Variants in NAV1 observed in about 807,000 individuals in gnomAD.
NAV1 encodes pore membrane and/or filament interacting like protein 3.
In NAV1, 18 loss-of-function variants were observed where a neutral mutation model predicts 175.2. The ratio of observed to expected loss-of-function variants is 0.10; its 90% CI spans 0.07 to 0.15. The LOEUF (loss-of-function observed/expected upper bound fraction) is 0.15, where lower values mean the gene tolerates loss of function less well. Among genes scored for constraint, NAV1 ranks in the 10% least tolerant of loss-of-function variants. NAV1 has a pLI of 1.00. For synonymous variants in NAV1, 897 were observed against 978.7 expected (o/e 0.92, Z 1.56); for missense variants, 1,731 against 2,436.6 (o/e 0.71, Z 6.10).
chr1:201,675,750 A>T (rs1670223351), intron 1 of NAV1, among the ~76,000 whole-genome samples: 2 of 152,136 alleles, frequency 1.3e-5, no homozygotes. Flanking sequence ...CTCTAAACTC[A>T]TGTTCTCCCT....
intron 4 of NAV1, 61 bp from the exon 9 acceptor site, chr1:201,780,951 A>C: frequency 6.6e-7 from 1 of 1,506,196 alleles, no homozygotes; most frequent in Non-Finnish European, 8.9e-7. Context: ...CAATCCTGTC[A>C]GCTATCCAGT....
At chr1:201,733,056 G>C (rs1672933631) in intron 3 of NAV1, among the ~76,000 whole-genome samples, 1 of 151,928 alleles carries the variant, frequency 6.6e-6, no homozygotes, top group Non-Finnish European at 1.5e-5. Context: ...GGGCAACAGA[G>C]CGAGACTCTG....
At position 201,642,534 on chromosome 1, in the gene NAV1, T is replaced by TTTCTTTCTTTC. The variant is rs1553247065; in HGVS notation, c.5-6097_5-6087dup. ...GCCTCTTTCTTTCTTTTTTTCTTTC[T>TTTCTTTCTTTC]TTCTTTCTTTCTTTCTTTCTTTTTT... On this transcript the variant is annotated intron_variant, in intron 2 of 29. Transcript: ENST00000367302. Among the ~76,000 whole-genome samples, 3 of 111,186 alleles carry TTTCTTTCTTTC rather than the reference T, an allele frequency of 2.7e-5. 1 individual carries two copies. Among genetic ancestry groups the TTTCTTTCTTTC allele is most frequent in the African/African-American group, 1.2e-4 (3 of 25,598 alleles). 72.9% of individuals were successfully genotyped at this position (111,186 alleles called of 152,430 possible).
chr1:201,696,703 T>C (rs967798089), intron 1 of NAV1, among the ~76,000 whole-genome samples: 1 of 152,190 alleles, frequency 6.6e-6, no homozygotes, highest in Non-Finnish European at 1.5e-5. Flanking sequence ...TCTGTTGTCT[T>C]TTTGGTCATG....
intron 1 of NAV1, among the ~76,000 whole-genome samples, chr1:201,696,214 G>T (rs1341710337): frequency 6.6e-6 from 1 of 152,158 alleles, no homozygotes; most frequent in Non-Finnish European, 1.5e-5. Flanking sequence ...AGCAGGAGAG[G>T]GTGGGAGCGG....
chr1:201,606,774 C>T (rs1054378958), intron 2 of NAV1, among the ~76,000 whole-genome samples: 2 of 152,202 alleles, frequency 1.3e-5, no homozygotes, highest in Non-Finnish European at 2.9e-5. Flanking sequence ...CTGTTCAAGG[C>T]CCCCAGCAAA....
Position 201,788,771 on chromosome 1 carries a change from G to GT in NAV1, c.3166+139dup. The GT allele has an allele frequency of 1.8e-6, 2 of 1,132,916 alleles. No homozygotes were observed. Among genetic ancestry groups the GT allele is most frequent in the South Asian group, 1.6e-5 (1 of 63,906 alleles). The allele number at this position is 1,132,916 out of a possible 1,614,324, so 70.2% of individuals were successfully genotyped here. A position where few individuals can be genotyped will look rare whatever the true frequency, so the allele number is the denominator to read the frequency against. On this transcript the variant is annotated intron_variant, in intron 10 of 29. Transcript: ENST00000367296. The surrounding 1 kb of genome is among the most constrained non-coding windows in gnomAD (Gnocchi z 5.7). Reference sequence around the variant, plus strand: ...CAGAACATCAAGTTGGGCCATTTCAGTTTTTTCTCCCCATCCCTTTGAAGG... The same window carrying GT: ...CAGAACATCAAGTTGGGCCATTTCAGTTTTTTTCTCCCCATCCCTTTGAAGG...
chr1:201,658,480 GA>G (rs975990980), intron 1 of NAV1, among the ~76,000 whole-genome samples: 1 of 152,142 alleles, frequency 6.6e-6, no homozygotes, highest in African/African-American at 2.4e-5. Flanking sequence ...AAAAAAACTA[GA>G]AAAGGAAGGG....
chr1:201,749,141 C>T (rs780137367), intron 3 of NAV1, among the ~76,000 whole-genome samples: 1 of 151,984 alleles, frequency 6.6e-6, no homozygotes, highest in African/African-American at 2.4e-5. Context: ...GAGTGAGACT[C>T]CGTTTCAAAA....
chr1:201,540,673 A>T (rs1278955372), intron 1 of NAV1, among the ~76,000 whole-genome samples: 3 of 152,142 alleles, frequency 2.0e-5, no homozygotes, highest in Admixed American at 1.3e-4. Context: ...TTTGGGATTG[A>T]CCTAAGAAGG....
intron 1 of NAV1, among the ~76,000 whole-genome samples, chr1:201,564,706 A>G (rs1461135743): frequency 2.6e-5 from 4 of 152,252 alleles, no homozygotes; most frequent in Non-Finnish European, 5.9e-5. Flanking sequence ...ACACAGATTT[A>G]TCTTACAGTT....
rs200837987 is a variant in NAV1 at position 201,813,101 on chromosome 1, G to A, written c.5222-39G>A. The A allele has an allele frequency of 5.4e-5, 79 of 1,457,056 alleles. No individual in the cohort carries two copies. In the Middle Eastern group the frequency reaches 5.8e-4, roughly 11 times the overall value. The allele number at this position is 1,457,056 out of a possible 1,614,324, so 90.3% of individuals were successfully genotyped here. The stretch of plus-strand genomic sequence containing the variant: ...AGAGGCACACAACCGGGAAGATCTA[G>A]GTTCCCAGCCATCTTCATGGCCCCA... On this transcript the variant is annotated intron_variant, in intron 27 of 29. Coordinates refer to ENST00000367296, the Ensembl canonical transcript of NAV1. The surrounding 1 kb of genome is among the most constrained non-coding windows in gnomAD (Gnocchi z 4.2).
intron 3 of NAV1, among the ~76,000 whole-genome samples, chr1:201,743,353 G>T (rs1437316543): frequency 6.6e-6 from 1 of 152,212 alleles, no homozygotes; most frequent in Non-Finnish European, 1.5e-5. Context: ...AATTATAATT[G>T]CCACCCAACC....
intron 1 of NAV1, among the ~76,000 whole-genome samples, chr1:201,562,263 C>T (rs1478261771): frequency 6.7e-6 from 1 of 150,244 alleles, no homozygotes; most frequent in Non-Finnish European, 1.5e-5. Context: ...AAGTGATCCT[C>T]TGGCCTTTCA....
chr1:201,617,426 T>C (rs1668037936), intron 2 of NAV1, among the ~76,000 whole-genome samples: 1 of 152,126 alleles, frequency 6.6e-6, no homozygotes, highest in African/African-American at 2.4e-5. Context: ...AACAGACCCT[T>C]GTTTAAGACG....
chr1:201,585,206 C>T (rs918529994), intron 1 of NAV1, among the ~76,000 whole-genome samples: 2 of 152,182 alleles, frequency 1.3e-5, no homozygotes, highest in African/African-American at 4.8e-5. Flanking sequence ...TGTGATGACT[C>T]ATCTTCTGCT....
chr1:201,744,919 A>G (rs966611332), intron 3 of NAV1, among the ~76,000 whole-genome samples: 8 of 152,206 alleles, frequency 5.3e-5, no homozygotes, highest in Non-Finnish European at 7.3e-5. Flanking sequence ...TATCTGGAGG[A>G]ATCCTATCTG....
intron 3 of NAV1, chr1:201,739,931 C>T (rs1479543216): frequency 3.7e-6 from 5 of 1,361,252 alleles, no homozygotes; most frequent in Non-Finnish European, 4.8e-6. Context: ...GCCCACAGCT[C>T]ATACCTTTTC....
chr1:201,756,273 A>G (rs189699720), intron 3 of NAV1, among the ~76,000 whole-genome samples: 46 of 152,316 alleles, frequency 3.0e-4, no homozygotes, highest in African/African-American at 9.9e-4. Flanking sequence ...GCCTATATAA[A>G]AATATTTAAA....
Sources: allele counts gnomAD v4.1 joint callset (sites outside exome capture counted in the v4.1 genomes callset), GRCh38; gene constraint gnomAD v4.1.1; non-coding constraint Gnocchi (gnomAD v3.1); transcripts MANE v1.5; gene names NCBI Gene and HGNC (gene_info 2026-07-23, HGNC 2026-07-21).